LMF1: variants seen among roughly 807,000 people sequenced by gnomAD.
LMF1 encodes the protein lipase maturation factor 1, also known as transmembrane protein 112.
Under a neutral mutation model 60.6 loss-of-function variants are expected in LMF1, and 68 were observed. The ratio of observed to expected loss-of-function variants is 1.12; its 90% CI spans 0.92 to 1.37. The LOEUF is 1.37. Ranked by LOEUF, LMF1 falls within the 40% of genes most tolerant of loss-of-function variation. The pLI, the probability that LMF1 is intolerant of heterozygous loss-of-function variation, is 0.00. For missense variants in LMF1, 948 were observed against 767.2 expected (o/e 1.24, Z -2.78); for synonymous variants, 418 against 324.7 (o/e 1.29, Z -3.09).
intron 1 of LMF1, chr16:968,423 T>C (rs566163471): frequency 9.2e-5 from 14 of 152,236 alleles, no homozygotes; most frequent in Admixed American, 2.6e-4. Context: ...GCTATAAACA[T>C]TGTAAAATTC....
rs866703660 is a variant in LMF1 at position 859,053 on chromosome 16, G to C, written c.1530-4347C>G. Reference sequence around the variant, plus strand: ...CGGGTGTGAGTGATGTCACGGGACGGGTGTGAGTGGTGTCACGGGACGGGT... The same window carrying C: ...CGGGTGTGAGTGATGTCACGGGACGCGTGTGAGTGGTGTCACGGGACGGGT... On this transcript the variant is annotated intron_variant, in intron 10 of 10. Coordinates refer to ENST00000262301, the MANE Select transcript of LMF1 (RefSeq NM_022773.4). Among the ~76,000 whole-genome samples, 32 of 113,998 alleles carry C rather than the reference G, an allele frequency of 2.8e-4. 1 individual carries two copies. The highest frequency in any genetic ancestry group is 4.1e-4 in the Non-Finnish European group (23 of 56,568). The allele number at this position is 113,998 out of a possible 152,430, so 74.8% of individuals were successfully genotyped here. A position where few individuals can be genotyped will look rare whatever the true frequency, so the allele number is the denominator to read the frequency against.
chr16:947,589 G>A (rs2151458871), intron 2 of LMF1: 1 of 456,104 alleles, frequency 2.2e-6, no homozygotes, highest in South Asian at 1.5e-5. Flanking sequence ...CCCGCCACAG[G>A]AAGGAGGACC....
chr16:858,153 T>A lies in LMF1; in HGVS notation c.1530-3447A>T, dbSNP rs374567964. On this transcript the variant is annotated intron_variant, in intron 10 of 10. Transcript: ENST00000262301. Reference sequence around the variant, plus strand: ...TGTCACGGGATGGGTGTGAGTGGTGTCTCGGGATGGGTGTGCGTGGTGTCA... The same window carrying A: ...TGTCACGGGATGGGTGTGAGTGGTGACTCGGGATGGGTGTGCGTGGTGTCA... Among the ~76,000 whole-genome samples the A allele has an allele frequency of 4.3e-3, 87 of 20,282 alleles. 1 individual carries two copies. Among genetic ancestry groups the A allele is most frequent in the Admixed American group, 7.8e-3 (15 of 1,928 alleles). The allele number at this position is 20,282 out of a possible 152,430, so 13.3% of individuals were successfully genotyped here.
At chr16:888,376 G>T (rs563938969) in intron 5 of LMF1, among the ~76,000 whole-genome samples, 2 of 152,354 alleles carry the variant, frequency 1.3e-5, no homozygotes, top group African/African-American at 4.8e-5. Flanking sequence ...AAAAGCAATG[G>T]AGAATTGTTT....
intron 1 of LMF1, chr16:976,633 C>T (rs897136571): frequency 3.1e-5 from 14 of 453,986 alleles, no homozygotes; most frequent in Admixed American, 1.9e-4. Flanking sequence ...CAAATGCGTG[C>T]TGTTGGCGCC....
At chr16:977,133 C>T (rs745923179) in intron 1 of LMF1, 27 of 453,678 alleles carry the variant, frequency 6.0e-5, no homozygotes, top group Non-Finnish European at 1.1e-4. Context: ...TGGTTTTCCA[C>T]TGCCCTGTGA....
At chr16:876,579 A>G (rs2069987036) in intron 6 of LMF1, among the ~76,000 whole-genome samples, 1 of 152,220 alleles carries the variant, frequency 6.6e-6, no homozygotes, top group Admixed American at 6.5e-5. Flanking sequence ...TAGTCTCTGC[A>G]CAGTTTTTCC....
chr16:934,184 A>G, intron 3 of LMF1, 60 bp downstream of exon 3: 1 of 1,599,080 alleles, frequency 6.3e-7, no homozygotes, highest in South Asian at 1.1e-5. Context: ...GCGTGAAGAT[A>G]CATACCAAAC....
intron 3 of LMF1, among the ~76,000 whole-genome samples, chr16:925,984 T>C (rs553435060): frequency 2.0e-5 from 3 of 152,182 alleles, no homozygotes; most frequent in Admixed American, 6.5e-5. Flanking sequence ...ATGATCTGCA[T>C]ACGTGTCTGT....
intron 2 of LMF1, among the ~76,000 whole-genome samples, chr16:949,182 CAG>C (rs1208255220): frequency 1.4e-5 from 2 of 144,576 alleles, no homozygotes; most frequent in African/African-American, 2.6e-5. Context: ...CAGCCAACGA[CAG>C]AGTCAGCCAA....
At chr16:911,887 T>C (rs1444707185) in intron 3 of LMF1, among the ~76,000 whole-genome samples, 2 of 151,980 alleles carry the variant, frequency 1.3e-5, no homozygotes, top group African/African-American at 4.8e-5. Flanking sequence ...GCTCCGCCAC[T>C]GGATGCGGGG....
At chr16:935,148 G>A (rs550037895) in intron 2 of LMF1, among the ~76,000 whole-genome samples, 26 of 151,962 alleles carry the variant, frequency 1.7e-4, no homozygotes, top group African/African-American at 6.0e-4. Flanking sequence ...TATCACCCAG[G>A]TTGGAGTGCA....
intron 2 of LMF1, chr16:947,530 A>C (rs1298982748): frequency 2.0e-5 from 9 of 455,968 alleles, no homozygotes; most frequent in Middle Eastern, 3.2e-4. Context: ...TACTCTTTGA[A>C]GTGGAGCCAC....
At chr16:877,435 G>A (rs775091729) in intron 6 of LMF1, among the ~76,000 whole-genome samples, 40 of 152,138 alleles carry the variant, frequency 2.6e-4, no homozygotes, top group East Asian at 7.7e-4. Context: ...TGTGAGGGAC[G>A]GTCACCTCTG....
chr16:931,807 CACA>C, intron 3 of LMF1: 1 of 1,282,598 alleles, frequency 7.8e-7, no homozygotes, highest in Non-Finnish European at 1.0e-6. Flanking sequence ...CAGGGTCAGA[CACA>C]ACATGAAACT....
rs2070709238 is a variant in LMF1, at chr16:897,945, C to T, written c.664-4873G>A. On this transcript the variant is annotated intron_variant, in intron 4 of 10. Transcript: ENST00000262301. This position sits in a 1 kb window ranked among gnomAD's most constrained non-coding sequence, Gnocchi z 4.3. ...CGCAGACTTCCTTGTGGCACAGCTG[C>T]ACCAGGAGCTGTGTACATGGCAGGC... Among the ~76,000 whole-genome samples, 1 of 152,264 alleles carries T rather than the reference C, an allele frequency of 6.6e-6. No homozygotes were observed. Among genetic ancestry groups the T allele is most frequent in the African/African-American group, 2.4e-5 (1 of 41,476 alleles).
At chr16:922,041 G>A (rs2071446113) in intron 3 of LMF1, among the ~76,000 whole-genome samples, 1 of 152,160 alleles carries the variant, frequency 6.6e-6, no homozygotes, top group African/African-American at 2.4e-5. Context: ...TGAGGAGTAA[G>A]GGGAGAGAAG....
In LMF1 at chr16:889,456, A is replaced by C. The variant is rs7185168; in HGVS notation, c.729+3551T>G. ...TCTGGGGAGAGAAGTCTGCACACTCAGAGCTCCCAAGCCCGGAGGGAGGAG... is the reference window on the plus strand; with the variant it reads ...TCTGGGGAGAGAAGTCTGCACACTCCGAGCTCCCAAGCCCGGAGGGAGGAG... On this transcript the variant is annotated intron_variant, in intron 5 of 10. Transcript: ENST00000262301. Among the ~76,000 whole-genome samples the C allele has an allele frequency of 3.3e-4, 50 of 152,034 alleles. No individual in the cohort carries two copies. In the South Asian group the frequency reaches 6.4e-3, roughly 20 times the overall value.
intron 4 of LMF1, among the ~76,000 whole-genome samples, chr16:908,875 G>A (rs2071034935): frequency 6.6e-6 from 1 of 152,216 alleles, no homozygotes; most frequent in Admixed American, 6.5e-5. Context: ...ACCCCCGTGC[G>A]GCTGGGGCAG....
Sources: gnomAD v4.1 joint callset for allele counts (sites outside exome capture counted in the v4.1 genomes callset) on GRCh38, gnomAD v4.1.1 for gene constraint, Gnocchi (gnomAD v3.1) non-coding constraint, MANE v1.5 for transcripts, NCBI Gene and HGNC (gene_info 2026-07-23, HGNC 2026-07-21) for gene names.